Variants in EDNRA observed in about 807,000 individuals in gnomAD.
EDNRA encodes endothelin receptor type A.
A neutral mutation model predicts 41.4 loss-of-function variants in EDNRA; 11 were observed. The observed-to-expected ratio is 0.27, with a 90% CI of 0.17 to 0.44. EDNRA has a LOEUF of 0.44. Ranked by LOEUF, EDNRA falls within the 20% of genes least tolerant of loss-of-function variation. EDNRA has a pLI of 1.00. For missense variants in EDNRA, 294 were observed against 531.0 expected, an observed-to-expected ratio of 0.55 and a Z score of 4.39; for synonymous variants, 172 against 183.0, an observed-to-expected ratio of 0.94 and a Z score of 0.49.
chr4:147,506,083 C>T, intron 2 of EDNRA: 1 of 514,314 alleles, frequency 1.9e-6, no homozygotes, highest in South Asian at 1.4e-5. Context: ...TTCCCAGTAT[C>T]CTGGCAGGTT....
intron 2 of EDNRA, among the ~76,000 whole-genome samples, chr4:147,487,008 G>A (rs1560891622): frequency 6.6e-6 from 1 of 152,220 alleles, no homozygotes; most frequent in East Asian, 1.9e-4. Context: ...TCTGGTGAGG[G>A]CCTCAGGAAG....
intron 3 of EDNRA, among the ~76,000 whole-genome samples, chr4:147,523,480 G>GTTTTTGTTTTTTTT (rs1730405170): frequency 1.4e-5 from 2 of 140,556 alleles, no homozygotes; most frequent in African/African-American, 2.9e-5. Context: ...TGTTGTTGTT[G>GTTTTTGTTTTTTTT]TTTTTTTGTT....
At chr4:147,523,531 C>T (rs1367385956) in intron 3 of EDNRA, among the ~76,000 whole-genome samples, 1 of 148,304 alleles carries the variant, frequency 6.7e-6, no homozygotes, top group African/African-American at 2.5e-5. Flanking sequence ...TGCTCTGTGG[C>T]CCAGGCTAGA....
chr4:147,485,499 T>C, intron 1 of EDNRA, 113 bp from the exon 2 acceptor site: 2 of 740,234 alleles, frequency 2.7e-6, no homozygotes, highest in Non-Finnish European at 4.3e-6. Flanking sequence ...ACATATATCT[T>C]ATCTAATCAC....
intron 4 of EDNRA, among the ~76,000 whole-genome samples, chr4:147,534,267 G>A (rs576890811): frequency 8.5e-5 from 13 of 152,270 alleles, no homozygotes; most frequent in South Asian, 4.1e-4. Context: ...AGGAGTGTTC[G>A]TGTTGCACTT....
intron 2 of EDNRA, chr4:147,492,506 T>C (rs1272215388): frequency 5.3e-5 from 8 of 152,188 alleles, no homozygotes; most frequent in Non-Finnish European, 5.9e-5. Context: ...CCCTTCCTTT[T>C]GTCTTTAGGG....
At chr4:147,506,779 C>T in intron 2 of EDNRA, 1 of 247,362 alleles carries the variant, frequency 4.0e-6, no homozygotes, top group Admixed American at 4.5e-5. Context: ...GGCTCCTAGC[C>T]AGCATGTTAG....
intron 1 of EDNRA, among the ~76,000 whole-genome samples, chr4:147,484,756 A>T (rs1192075914): frequency 6.6e-6 from 1 of 152,254 alleles, no homozygotes; most frequent in Admixed American, 6.5e-5. Context: ...TATTGTGATG[A>T]TAATTTCTGA....
intron 2 of EDNRA, chr4:147,492,087 C>G (rs1356200046): frequency 6.6e-6 from 1 of 152,290 alleles, no homozygotes; most frequent in Non-Finnish European, 1.5e-5. Flanking sequence ...TGGATCTCAG[C>G]TTAATCATCT....
At chr4:147,538,223 T>C (rs1406929926) in intron 5 of EDNRA, among the ~76,000 whole-genome samples, 1 of 152,138 alleles carries the variant, frequency 6.6e-6, no homozygotes, top group Non-Finnish European at 1.5e-5. Context: ...GCTCTACTTT[T>C]ATATCTGATT....
chr4:147,492,740 CATT>C (rs886597123), intron 2 of EDNRA: 6 of 149,074 alleles, frequency 4.0e-5, no homozygotes, highest in Admixed American at 1.4e-4. Context: ...CATTGCAAAA[CATT>C]ATGCTAACTA....
In EDNRA at chr4:147,531,919, A is replaced by G. The variant is rs1434151327; in HGVS notation, c.549-587A>G. Among the ~76,000 whole-genome samples, 9 of 150,862 alleles carry G rather than the reference A, an allele frequency of 6.0e-5. No individual in the cohort carries two copies. In the East Asian group the frequency reaches 1.6e-3, roughly 26 times the overall value. ...CAGCTACTCGGGAGGCTGAGGCAGGAGAATGGCGTGAACCTGGGAGGCGGA... is the reference window on the plus strand; with the variant it reads ...CAGCTACTCGGGAGGCTGAGGCAGGGGAATGGCGTGAACCTGGGAGGCGGA... On this transcript the variant is annotated intron_variant, in intron 3 of 7. Transcript: ENST00000651419.
At position 147,544,944 on chromosome 4, in the gene EDNRA, C is replaced by T. The variant is rs879236378; in HGVS notation, c.*2326C>T. Reference sequence around the variant, plus strand: ...CCCATAAGTGTAAAATAAAAGTTTACAGAAACCTTGCAAGTGTCTCTTCAT... The same window carrying T: ...CCCATAAGTGTAAAATAAAAGTTTATAGAAACCTTGCAAGTGTCTCTTCAT... On this transcript the variant is annotated 3_prime_UTR_variant, in exon 8 of 8. Transcript: ENST00000651419. 6.6e-6 allele frequency: 1 copy of T among 152,630 alleles called. No homozygotes were observed. Among genetic ancestry groups the T allele is most frequent in the South Asian group, 2.1e-4 (1 of 4,826 alleles). 9.5% of individuals were successfully genotyped at this position (152,630 alleles called of 1,614,324 possible). A position where few individuals can be genotyped will look rare whatever the true frequency, so the allele number is the denominator to read the frequency against.
chr4:147,520,087 C>A, intron 3 of EDNRA, 109 bp downstream of exon 3: 1 of 1,363,408 alleles, frequency 7.3e-7, no homozygotes, highest in Non-Finnish European at 1.0e-6. Context: ...TGATTAGCTT[C>A]AAGTGAATTA....
intron 2 of EDNRA, chr4:147,491,568 G>A (rs1441237045): frequency 6.6e-6 from 1 of 151,582 alleles, no homozygotes; most frequent in Non-Finnish European, 1.5e-5. Context: ...GATGATGAAG[G>A]TGGGGGTGGT....
chr4:147,490,057 A>G (rs1375864799), intron 2 of EDNRA: 3 of 152,116 alleles, frequency 2.0e-5, no homozygotes, highest in Admixed American at 1.3e-4. Context: ...AGTTTGAAAA[A>G]TGAGTTAGGC....
At chr4:147,539,218 A>G (rs1422996717) in intron 5 of EDNRA, among the ~76,000 whole-genome samples, 1 of 151,988 alleles carries the variant, frequency 6.6e-6, no homozygotes, top group African/African-American at 2.4e-5. Context: ...TTTAAAGAGC[A>G]AAAAATCCCA....
At chr4:147,525,753 A>T (rs1056468277) in intron 3 of EDNRA, among the ~76,000 whole-genome samples, 15 of 152,248 alleles carry the variant, frequency 9.9e-5, no homozygotes, top group African/African-American at 3.6e-4. Flanking sequence ...GAAGAAGGCT[A>T]TAAAAAGATA....
intron 3 of EDNRA, among the ~76,000 whole-genome samples, chr4:147,523,488 G>GTTTT (rs759191166): frequency 2.5e-5 from 3 of 118,050 alleles, no homozygotes; most frequent in African/African-American, 1.4e-4. Flanking sequence ...TTGTTTTTTT[G>GTTTT]TTTTTTTTGT....
Sources: allele counts gnomAD v4.1 joint callset (sites outside exome capture counted in the v4.1 genomes callset), GRCh38; gene constraint gnomAD v4.1.1; transcripts MANE v1.5; gene names NCBI Gene and HGNC (gene_info 2026-07-23, HGNC 2026-07-21).